The following ARHGAP23 variants were observed in gnomAD, a reference collection of about 807,000 sequenced individuals.
ARHGAP23 encodes Rho GTPase activating protein 23.
ARHGAP23 carries 34 observed loss-of-function variants against 136.3 expected under a neutral mutation model. The ratio of observed to expected loss-of-function variants is 0.25; its 90% CI spans 0.19 to 0.33. ARHGAP23 has a LOEUF of 0.33. Ranked by LOEUF, ARHGAP23 falls within the 10% of genes least tolerant of loss-of-function variation. The pLI is 1.00. For synonymous variants in ARHGAP23, 832 were observed against 920.5 expected (o/e 0.90, Z 1.74); for missense variants, 1,808 against 2,139.0 (o/e 0.85, Z 3.05).
intron 1 of ARHGAP23, among the ~76,000 whole-genome samples, chr17:38,440,790 AG>A (rs1167339901): frequency 6.6e-6 from 1 of 152,012 alleles, no homozygotes. Context: ...ATCACTGATG[AG>A]GAGAGGGATC....
chr17:38,508,875 G>A (rs2040691223), intron 23 of ARHGAP23, among the ~76,000 whole-genome samples: 1 of 152,098 alleles, frequency 6.6e-6, no homozygotes, highest in Admixed American at 6.5e-5. Flanking sequence ...GATTCTCAAT[G>A]GGAAGAAGAG....
At chr17:38,509,647 G>A (rs1489519427) in intron 23 of ARHGAP23, among the ~76,000 whole-genome samples, 1 of 152,216 alleles carries the variant, frequency 6.6e-6, no homozygotes, top group Non-Finnish European at 1.5e-5. Flanking sequence ...CCAGAGCCGT[G>A]TCTAAAGGAT....
At chr17:38,430,384 G>C (rs781624930) in intron 1 of ARHGAP23, among the ~76,000 whole-genome samples, 38 of 152,062 alleles carry the variant, frequency 2.5e-4, no homozygotes, top group Non-Finnish European at 5.1e-4. Context: ...AGGACTGGGT[G>C]GGGGGAAGAG....
intron 16 of ARHGAP23, among the ~76,000 whole-genome samples, chr17:38,484,262 C>T (rs756021479): frequency 1.6e-4 from 25 of 151,754 alleles, no homozygotes; most frequent in South Asian, 2.1e-4. Context: ...GAGGAAGAGC[C>T]GCATGTTTGA....
rs1250670150 is a variant in ARHGAP23 at position 38,448,480 on chromosome 17, C to T, written c.64-9622C>T. Among the ~76,000 whole-genome samples the T allele has an allele frequency of 2.6e-5, 4 of 152,150 alleles. No individual in the cohort carries two copies. In the East Asian group the frequency reaches 5.8e-4, roughly 22 times the overall value. On this transcript the variant is annotated intron_variant, in intron 1 of 23. Coordinates refer to ENST00000622683, the MANE Select transcript of ARHGAP23 (RefSeq NM_001199417.2). Reference sequence around the variant, plus strand: ...TTGAGGTGGAAATACATGTCATTACCATTTTATTGATGAGGAACCAAGGCT... The same window carrying T: ...TTGAGGTGGAAATACATGTCATTACTATTTTATTGATGAGGAACCAAGGCT...
chr17:38,464,928 G>A (rs1408006635), intron 6 of ARHGAP23, among the ~76,000 whole-genome samples: 2 of 152,184 alleles, frequency 1.3e-5, no homozygotes, highest in African/African-American at 4.8e-5. Context: ...CGCCACCACC[G>A]ACGCGGCGAG....
At chr17:38,429,130 A>G (rs1226549871) in intron 1 of ARHGAP23, among the ~76,000 whole-genome samples, 1 of 152,214 alleles carries the variant, frequency 6.6e-6, no homozygotes, top group African/African-American at 2.4e-5. Context: ...TTCTAGACAC[A>G]GGCCCAGGAC....
intron 23 of ARHGAP23, among the ~76,000 whole-genome samples, chr17:38,503,648 G>T (rs4795286): frequency 0.42 from 64,249 of 152,002 alleles, 14,584 homozygotes; most frequent in Admixed American, 0.51. Context: ...ACTGCCTCCC[G>T]GAAGCCTCCT....
chr17:38,463,525 G>A (rs1018506231), intron 6 of ARHGAP23, 143 bp downstream of exon 6: 1 of 1,037,690 alleles, frequency 9.6e-7, no homozygotes, highest in Non-Finnish European at 1.4e-6. Flanking sequence ...CCTGGGCTGG[G>A]GCTGGTTGTT....
At chr17:38,482,208 C>G (rs2040061084) in intron 15 of ARHGAP23, 65 bp downstream of exon 15, 1 of 1,526,888 alleles carries the variant, frequency 6.5e-7, no homozygotes, top group African/African-American at 1.4e-5. Context: ...AGGGTCAGAG[C>G]AGCAAGGGAC....
intron 16 of ARHGAP23, among the ~76,000 whole-genome samples, chr17:38,483,024 G>GCT (rs2040081962): frequency 1.3e-5 from 2 of 152,226 alleles, no homozygotes; most frequent in South Asian, 4.1e-4. Context: ...AGAATGGCCT[G>GCT]CTCAATGGTG....
rs529678784 is a variant in ARHGAP23, at chr17:38,421,024, C to T, written n.120+1625C>T. Among the ~76,000 whole-genome samples the T allele has an allele frequency of 2.2e-4, 33 of 152,214 alleles. No individual in the cohort carries two copies. In the South Asian group the frequency reaches 6.4e-3, roughly 30 times the overall value. ...GCCTGCAGCTCAGCCTGAGTTGTTC[C>T]TCCAAGTAGCCCATCTGCCCATCAT... is the stretch of plus-strand genomic sequence containing the variant. On this transcript the variant is annotated intron_variant and non_coding_transcript_variant, in intron 1 of 4. Transcript: ENST00000633445.
rs2039608503 is a variant in ARHGAP23, at chr17:38,466,700, C to T, written c.1017C>T (p.Ser339=). 1 of 1,529,048 alleles carries T rather than the reference C, an allele frequency of 6.5e-7. No individual in the cohort carries two copies. The highest frequency in any genetic ancestry group is 1.2e-5 in the South Asian group (1 of 80,992). The allele number at this position is 1,529,048 out of a possible 1,614,324, so 94.7% of individuals were successfully genotyped here. ...WPCSTSQDAL[S]QLGQEGWHRA... is the part of the protein sequence containing the mutation. ...GCTCCACCTCCCAGGATGCTTTGAG[C>T]CAGCTGGGCCAGGAGGGCTGGCACC... is the stretch of plus-strand genomic sequence containing the variant. The change falls in exon 7 of 24, where the codon AGC becomes AGT. Residue 339 remains serine (S), a synonymous_variant. Coordinates refer to ENST00000622683, the MANE Select transcript of ARHGAP23 (RefSeq NM_001199417.2).
chr17:38,442,817 G>A (rs1440131352), intron 1 of ARHGAP23, among the ~76,000 whole-genome samples: 1 of 152,210 alleles, frequency 6.6e-6, no homozygotes, highest in Non-Finnish European at 1.5e-5. Context: ...GCGTCCCACA[G>A]GGCCTGGTGG....
chr17:38,449,545 G>A (rs532079573), intron 1 of ARHGAP23, among the ~76,000 whole-genome samples: 2 of 152,384 alleles, frequency 1.3e-5, no homozygotes, highest in South Asian at 4.1e-4. Context: ...GAGGCCTGAG[G>A]GGGCCGCCGC....
At chr17:38,422,334 C>T (rs2038527834) in intron 1 of ARHGAP23, among the ~76,000 whole-genome samples, 1 of 152,306 alleles carries the variant, frequency 6.6e-6, no homozygotes, top group East Asian at 1.9e-4. Context: ...ATTTTAATTC[C>T]TTTCCTCTCC....
intron 11 of ARHGAP23, among the ~76,000 whole-genome samples, chr17:38,473,022 C>T (rs1179369077): frequency 5.3e-5 from 8 of 152,144 alleles, no homozygotes; most frequent in Non-Finnish European, 8.8e-5. Flanking sequence ...CTACAACCTC[C>T]ACCTCCTGGG....
intron 1 of ARHGAP23, among the ~76,000 whole-genome samples, chr17:38,454,648 G>T (rs182024041): frequency 6.6e-6 from 1 of 152,172 alleles, no homozygotes; most frequent in Non-Finnish European, 1.5e-5. Flanking sequence ...AGTGCTCTCA[G>T]GGCTGACAGG....
intron 11 of ARHGAP23, among the ~76,000 whole-genome samples, chr17:38,474,763 G>T (rs1211367201): frequency 6.6e-6 from 1 of 152,222 alleles, no homozygotes; most frequent in African/African-American, 2.4e-5. Flanking sequence ...GAAGTGGGGG[G>T]GCCGGGGAGG....
Sources: gnomAD v4.1 joint callset for allele counts (sites outside exome capture counted in the v4.1 genomes callset) on GRCh38, gnomAD v4.1.1 for gene constraint, MANE v1.5 for transcripts, NCBI Gene and HGNC (gene_info 2026-07-23, HGNC 2026-07-21) for gene names.